ESRRG: variants seen among roughly 807,000 people sequenced by gnomAD.
ESRRG encodes the protein estrogen-related receptor gamma.
Under a neutral mutation model 44.0 loss-of-function variants are expected in ESRRG, and 13 were observed. The observed-to-expected ratio is 0.30, with a 90% CI of 0.19 to 0.47. The LOEUF is 0.47. Ranked by LOEUF, ESRRG falls within the 20% of genes least tolerant of loss-of-function variation. The probability of loss-of-function intolerance (pLI) is 1.00; values close to 1 mark genes in which losing one functional copy is unlikely to be tolerated. For missense variants in ESRRG, 395 were observed against 580.6 expected, an observed-to-expected ratio of 0.68 and a Z score of 3.29; for synonymous variants, 215 against 214.6, an observed-to-expected ratio of 1.00 and a Z score of -0.02.
chr1:216,618,355 A>C (rs1171819965), intron 3 of ESRRG, among the ~76,000 whole-genome samples: 2 of 152,228 alleles, frequency 1.3e-5, no homozygotes, highest in African/African-American at 2.4e-5. Context: ...ATTATACAAG[A>C]TCTGACTAAG....
intron 3 of ESRRG, among the ~76,000 whole-genome samples, chr1:216,627,501 C>G (rs1020459607): frequency 1.3e-5 from 2 of 152,180 alleles, no homozygotes; most frequent in African/African-American, 4.8e-5. Flanking sequence ...ATGGTGCCAG[C>G]TTTGCTTACT....
intron 3 of ESRRG, among the ~76,000 whole-genome samples, chr1:216,644,480 G>C (rs907129753): frequency 8.9e-5 from 13 of 146,598 alleles, no homozygotes; most frequent in African/African-American, 3.1e-4. Context: ...CCAGGCTGGA[G>C]TGCAGTGGCA....
At chr1:216,643,190 T>C (rs1441350626) in intron 3 of ESRRG, among the ~76,000 whole-genome samples, 1 of 152,174 alleles carries the variant, frequency 6.6e-6, no homozygotes, top group Non-Finnish European at 1.5e-5. Flanking sequence ...ATTGGAGAGA[T>C]GTAATGGCAG....
chr1:216,905,447 T>C (rs2059581939), intron 2 of ESRRG, among the ~76,000 whole-genome samples: 1 of 152,146 alleles, frequency 6.6e-6, no homozygotes, highest in Non-Finnish European at 1.5e-5. Flanking sequence ...GGCTCAAAGG[T>C]TACCCCTTAA....
chr1:217,007,638 T>TTA (rs1343172872), intron 1 of ESRRG, among the ~76,000 whole-genome samples: 1 of 152,196 alleles, frequency 6.6e-6, no homozygotes, highest in Admixed American at 6.5e-5. Context: ...TCCTTTCTTA[T>TTA]TCTTAAGCTA....
intron 3 of ESRRG, among the ~76,000 whole-genome samples, chr1:216,605,875 TA>T (rs34585572): frequency 0.43 from 61,640 of 144,292 alleles, 13,537 homozygotes; most frequent in African/African-American, 0.59. Flanking sequence ...GAGCTTAAAT[TA>T]AAAAAAAAAA....
chr1:216,537,085 T>C (rs2051199393), intron 5 of ESRRG, among the ~76,000 whole-genome samples: 1 of 152,022 alleles, frequency 6.6e-6, no homozygotes, highest in African/African-American at 2.4e-5. Context: ...CAGTTTATAT[T>C]CCTCTAAAAT....
intron 1 of ESRRG, among the ~76,000 whole-genome samples, chr1:217,070,959 A>T (rs1391670325): frequency 6.6e-6 from 1 of 152,134 alleles, no homozygotes; most frequent in Non-Finnish European, 1.5e-5. Flanking sequence ...AGAACTGGTG[A>T]CCTGTTAAAT....
chr1:216,782,631 G>A (rs916209560), intron 2 of ESRRG, among the ~76,000 whole-genome samples: 3 of 151,890 alleles, frequency 2.0e-5, no homozygotes, highest in African/African-American at 7.2e-5. Flanking sequence ...TAATGAACTA[G>A]TTCTTTATTT....
chr1:216,675,765 C>T (rs1410077615), intron 2 of ESRRG, among the ~76,000 whole-genome samples: 3 of 152,226 alleles, frequency 2.0e-5, no homozygotes, highest in African/African-American at 7.2e-5. Flanking sequence ...GATGCTGGTA[C>T]TGCTGGTACA....
intron 2 of ESRRG, among the ~76,000 whole-genome samples, chr1:216,774,801 T>C (rs940357937): frequency 1.4e-5 from 2 of 142,648 alleles, no homozygotes; most frequent in African/African-American, 2.7e-5. Flanking sequence ...ATTTCTTCTT[T>C]TTTTTTTTTT....
In ESRRG at chr1:217,009,202, C is replaced by G. The variant is rs549084923; in HGVS notation, c.-105-69529G>C. On this transcript the variant is annotated intron_variant, in intron 1 of 7. Coordinates refer to the ESRRG transcript ENST00000359162. Reference sequence around the variant, plus strand: ...AACCAGGTATTACCCCCTTACCGCTCTCACAGCACCCAGCACAATGCAGGG... The same window carrying G: ...AACCAGGTATTACCCCCTTACCGCTGTCACAGCACCCAGCACAATGCAGGG... Among the ~76,000 whole-genome samples, 22 of 152,308 alleles carry G rather than the reference C, an allele frequency of 1.4e-4. No homozygotes were observed. The Middle Eastern group carries it at 0.01, about 71-fold the overall frequency.
At chr1:216,723,914 C>T (rs2086942004), upstream of ESRRG, among the ~76,000 whole-genome samples, 1 of 152,104 alleles carries the variant, frequency 6.6e-6, no homozygotes, top group Non-Finnish European at 1.5e-5. Context: ...TTAAGTTTGT[C>T]CTGCCGTTGT....
At chr1:216,850,661 G>T (rs2095828220) in intron 2 of ESRRG, among the ~76,000 whole-genome samples, 1 of 151,884 alleles carries the variant, frequency 6.6e-6, no homozygotes, top group African/African-American at 2.4e-5. Flanking sequence ...CAAAATTAAA[G>T]GTAGCAGAGT....
At chr1:216,626,791 G>C (rs1257849689) in intron 3 of ESRRG, among the ~76,000 whole-genome samples, 1 of 152,192 alleles carries the variant, frequency 6.6e-6, no homozygotes, top group African/African-American at 2.4e-5. Context: ...AACTGGCCTT[G>C]CCCGCTGCCT....
At chr1:216,679,637 T>TC (rs1414017710) in intron 1 of ESRRG, among the ~76,000 whole-genome samples, 1 of 151,266 alleles carries the variant, frequency 6.6e-6, no homozygotes, top group Non-Finnish European at 1.5e-5. Flanking sequence ...TTTTTTCTTT[T>TC]TTTTTTTTTT....
chr1:216,634,033 G>C lies in ESRRG; in HGVS notation c.589+16940C>G, dbSNP rs370700563. Among the ~76,000 whole-genome samples the C allele has an allele frequency of 8.5e-5, 13 of 152,246 alleles. No individual in the cohort carries two copies. The East Asian group carries it at 2.5e-3, about 29-fold the overall frequency. ...CTGCAACTCCAATCTCTAACAGAAG[G>C]TATTAGCCAGCATTTTACTGGTCAG... On this transcript the variant is annotated intron_variant, in intron 3 of 6. Coordinates refer to ENST00000408911, the MANE Select transcript of ESRRG (RefSeq NM_001438.4).
intron 1 of ESRRG, among the ~76,000 whole-genome samples, chr1:217,087,160 G>A (rs908315658): frequency 4.6e-5 from 7 of 152,132 alleles, no homozygotes; most frequent in South Asian, 2.1e-4. Context: ...TACCTCTGGC[G>A]GGCTTTCGCT....
chr1:216,702,254 A>G (rs2081507561), intron 1 of ESRRG, among the ~76,000 whole-genome samples: 1 of 152,194 alleles, frequency 6.6e-6, no homozygotes, highest in Admixed American at 6.5e-5. Flanking sequence ...AATAAAATTA[A>G]CATCCAGATT....
Sources: gnomAD v4.1 joint callset for allele counts (sites outside exome capture counted in the v4.1 genomes callset) on GRCh38, gnomAD v4.1.1 for gene constraint, MANE v1.5 for transcripts, NCBI Gene and HGNC (gene_info 2026-07-23, HGNC 2026-07-21) for gene names.